The following WDR12 variants were observed in gnomAD, a reference collection of about 807,000 sequenced individuals.
The protein encoded by WDR12 is WD repeat domain 12.
A neutral mutation model predicts 64.3 loss-of-function variants in WDR12; 42 were observed. That is an observed-to-expected ratio of 0.65 (90% CI 0.51 to 0.84). WDR12 has a LOEUF of 0.84. Ranked by LOEUF, WDR12 falls within the 40% of genes least tolerant of loss-of-function variation. The pLI is 0.00. For missense variants in WDR12, 469 were observed against 494.6 expected (o/e 0.95, Z 0.49); for synonymous variants, 158 against 173.3 (o/e 0.91, Z 0.70).
rs145173396 is a variant in WDR12 at position 202,888,780 on chromosome 2, G to A, written c.741+3837C>T. 5.0e-3 allele frequency among the ~76,000 whole-genome samples: 765 copies of A among 152,214 alleles called. 7 individuals are homozygous for A. Among genetic ancestry groups the A allele is most frequent in the African/African-American group, 0.017 (726 of 41,538 alleles). On this transcript the variant is annotated intron_variant, in intron 8 of 12. Transcript: ENST00000261015. ...CAAACTGGAGTGCAGTGGTGCAATCGTAACTCACAGCAGCCTTGACTTCCT... is the reference window on the plus strand; with the variant it reads ...CAAACTGGAGTGCAGTGGTGCAATCATAACTCACAGCAGCCTTGACTTCCT...
intron 8 of WDR12, 43 bp downstream of exon 8, chr2:202,892,574 C>T: frequency 7.1e-7 from 1 of 1,406,816 alleles, no homozygotes; most frequent in Non-Finnish European, 1.0e-6. Context: ...TATTTGTCAA[C>T]ACAGGCCTAA....
intron 11 of WDR12, 167 bp from the exon 12 acceptor site, chr2:202,882,950 G>A (rs1687981636): frequency 5.6e-6 from 3 of 539,536 alleles, no homozygotes; most frequent in Non-Finnish European, 9.8e-6. Flanking sequence ...TCTTTTTCCT[G>A]TATCATTGGT....
chr2:202,903,995 G>A (rs769271262), intron 2 of WDR12, among the ~76,000 whole-genome samples: 24 of 151,652 alleles, frequency 1.6e-4, no homozygotes, highest in Non-Finnish European at 2.8e-4. Context: ...AAAATTAGCT[G>A]GGCGTGGTGG....
At chr2:202,897,271 T>C in intron 5 of WDR12, 29 bp downstream of exon 5, 1 of 1,495,956 alleles carries the variant, frequency 6.7e-7, no homozygotes. Flanking sequence ...TATCTAGGAT[T>C]CCTCTAAGTG....
At chr2:202,884,642 C>G in intron 8 of WDR12, 107 bp from the exon 9 acceptor site, 6 of 1,159,240 alleles carry the variant, frequency 5.2e-6, no homozygotes, top group Non-Finnish European at 5.9e-6. Flanking sequence ...ACAAACTGCC[C>G]ATCTTTCATA....
intron 2 of WDR12, among the ~76,000 whole-genome samples, chr2:202,906,970 T>C (rs1220905748): frequency 6.6e-6 from 1 of 152,196 alleles, no homozygotes; most frequent in East Asian, 1.9e-4. Context: ...TTTTTTTTTT[T>C]TTGAGACTTC....
chr2:202,897,910 TATATATATATATATAAAAA>T (rs1688279943), intron 4 of WDR12, among the ~76,000 whole-genome samples: 1 of 106,988 alleles, frequency 9.3e-6, no homozygotes, highest in South Asian at 2.8e-4. Context: ...AAAAAAAAAA[TATATATATATATATAAAAA>T]ATATATATCA....
chr2:202,911,552 A>T lies in WDR12; in HGVS notation c.-76T>A. On this transcript the variant is annotated 5_prime_UTR_variant, in exon 1 of 13. Transcript: ENST00000261015. ...CACAACACGAAGCTCCTGCCTTTTA[A>T]GACTACAAAGAGGCAGCTCAAAATT... The T allele has an allele frequency of 7.3e-7, 1 of 1,377,388 alleles. No individual in the cohort carries two copies. The highest frequency in any genetic ancestry group is 1.0e-6 in the Non-Finnish European group (1 of 964,976). The allele number at this position is 1,377,388 out of a possible 1,614,324, so 85.3% of individuals were successfully genotyped here.
intron 3 of WDR12, 37 bp from the exon 4 acceptor site, chr2:202,899,674 C>T (rs760917750): frequency 6.3e-7 from 1 of 1,574,856 alleles, no homozygotes; most frequent in East Asian, 2.2e-5. Flanking sequence ...GTCAGGTGGT[C>T]TAGTTTTAAA....
chr2:202,894,754 CT>C, intron 6 of WDR12, 128 bp from the exon 7 acceptor site: 6 of 707,076 alleles, frequency 8.5e-6, no homozygotes, highest in African/African-American at 1.9e-5. Context: ...TGAAATTAGC[CT>C]TTTTCCAGGG....
intron 8 of WDR12, among the ~76,000 whole-genome samples, chr2:202,886,125 T>C (rs1309608659): frequency 6.6e-6 from 1 of 151,580 alleles, no homozygotes; most frequent in East Asian, 1.9e-4. Context: ...ATTTAGGTTT[T>C]TGTGTGAACA....
At chr2:202,885,103 A>G (rs1306169188) in intron 8 of WDR12, among the ~76,000 whole-genome samples, 2 of 152,222 alleles carry the variant, frequency 1.3e-5, no homozygotes, top group African/African-American at 4.8e-5. Context: ...AACTTTGCCC[A>G]GAGTCAAGTG....
At position 202,880,867 on chromosome 2, in the gene WDR12, C is replaced by G. The variant is rs1320600878; in HGVS notation, c.1265G>C (p.Gly422Ala). The part of the protein sequence containing the change: ...YRYSPTTSHV[G>A]A The stretch of plus-strand genomic sequence containing the variant: ...TCAAATTATTGTTCACTTTCATGCC[C>G]CAACATGGGAAGTGGTAGGTGAATA... Residue 422 changes from glycine to alanine, a missense_variant, in exon 13 of 13, where the codon GGG (glycine) becomes GCG (alanine). Gly to Ala is a moderately conservative substitution (Grantham distance 60). Transcript: ENST00000261015. 6.2e-7 allele frequency: 1 copy of G among 1,609,080 alleles called. No individual in the cohort carries two copies. Among genetic ancestry groups the G allele is most frequent in the African/African-American group, 1.3e-5 (1 of 74,920 alleles).
intron 7 of WDR12, among the ~76,000 whole-genome samples, chr2:202,893,137 A>G (rs919291611): frequency 2.0e-5 from 3 of 152,098 alleles, no homozygotes; most frequent in Non-Finnish European, 4.4e-5. Flanking sequence ...TTTTCTACCA[A>G]AAATGTTTCT....
At chr2:202,907,681 G>A (rs1330187691) in intron 2 of WDR12, among the ~76,000 whole-genome samples, 184 bp downstream of exon 2, 1 of 151,980 alleles carries the variant, frequency 6.6e-6, no homozygotes, top group African/African-American at 2.4e-5. Context: ...ATTTTTTTCT[G>A]AAAACTTTTC....
rs201921072 is a variant in WDR12 at position 202,880,976 on chromosome 2, A to G, written c.1195-39T>C. The G allele has an allele frequency of 2.4e-5, 36 of 1,507,778 alleles. No homozygotes were observed. In the African/African-American group the frequency reaches 4.6e-4, roughly 19 times the overall value. 93.4% of individuals were successfully genotyped at this position (1,507,778 alleles called of 1,614,324 possible). A position where few individuals can be genotyped will look rare whatever the true frequency, so the allele number is the denominator to read the frequency against. The stretch of plus-strand genomic sequence containing the variant: ...GAGAAAAAGACAAGAAAACATAAAT[A>G]AATATAATTATTTCACATCATAGCT... On this transcript the variant is annotated intron_variant, in intron 12 of 12. Coordinates refer to ENST00000261015, the MANE Select transcript of WDR12 (RefSeq NM_018256.4).
At chr2:202,895,804 A>G (rs1041258131) in intron 6 of WDR12, among the ~76,000 whole-genome samples, 6 of 151,314 alleles carry the variant, frequency 4.0e-5, no homozygotes, top group Non-Finnish European at 8.8e-5. Flanking sequence ...TGCTGGGATT[A>G]CAGGCGTGAG....
At chr2:202,890,904 G>A (rs532953612) in intron 8 of WDR12, among the ~76,000 whole-genome samples, 18 of 151,424 alleles carry the variant, frequency 1.2e-4, no homozygotes, top group Admixed American at 7.9e-4. Flanking sequence ...GGAGGTGGGA[G>A]GATCACCTGA....
In WDR12 at chr2:202,887,280, T is replaced by C. The variant is rs991900121; in HGVS notation, c.742-2745A>G. Among the ~76,000 whole-genome samples the C allele has an allele frequency of 5.1e-5, 5 of 97,956 alleles. No homozygotes were observed. In the East Asian group the frequency reaches 1.3e-3, roughly 26 times the overall value. The allele number at this position is 97,956 out of a possible 152,430, so 64.3% of individuals were successfully genotyped here. On this transcript the variant is annotated intron_variant, in intron 8 of 12. Transcript: ENST00000261015. Reference sequence around the variant, plus strand: ...TGCAGGTGATGTGCCCGCCTCAGCCTCCCAGAGTGCTGGGGTTACAGGTGC... The same window carrying C: ...TGCAGGTGATGTGCCCGCCTCAGCCCCCCAGAGTGCTGGGGTTACAGGTGC...
Sources: allele counts gnomAD v4.1 joint callset (sites outside exome capture counted in the v4.1 genomes callset), GRCh38; gene constraint gnomAD v4.1.1; transcripts MANE v1.5; gene names NCBI Gene and HGNC (gene_info 2026-07-23, HGNC 2026-07-21).